The following MROH1 variants were observed in gnomAD, a reference collection of about 807,000 sequenced individuals.
MROH1 encodes maestro heat like repeat family member 1.
MROH1 carries 117 observed loss-of-function variants against 116.5 expected under a neutral mutation model. The observed-to-expected ratio is 1.00, with a 90% CI of 0.86 to 1.17. The LOEUF is 1.17. Ranked by LOEUF, MROH1 falls within the 50% of genes most tolerant of loss-of-function variation. The pLI, the probability that MROH1 is intolerant of heterozygous loss-of-function variation, is 0.00. For missense variants in MROH1, 1,873 were observed against 1,338.5 expected (o/e 1.40, Z -6.23); for synonymous variants, 921 against 583.9 (o/e 1.58, Z -8.32).
intron 14 of MROH1, among the ~76,000 whole-genome samples, chr8:144,226,013 C>T (rs1222864614): frequency 6.9e-6 from 1 of 144,714 alleles, no homozygotes; most frequent in African/African-American, 2.6e-5. Context: ...CTCCTGGGTT[C>T]AAGCAATTCT....
chr8:144,196,018 C>T (rs943361800), intron 10 of MROH1, among the ~76,000 whole-genome samples: 4 of 152,092 alleles, frequency 2.6e-5, no homozygotes, highest in African/African-American at 9.7e-5. Flanking sequence ...TGGCCGGGCA[C>T]AGTGGCTCAC....
chr8:144,177,969 T>TC (rs1346261652), intron 4 of MROH1, among the ~76,000 whole-genome samples: 2 of 148,798 alleles, frequency 1.3e-5, no homozygotes, highest in East Asian at 2.0e-4. Context: ...TTCTTCTTCT[T>TC]TTTTTTTTTT....
chr8:144,152,027 C>G (rs1816928859), intron 1 of MROH1, among the ~76,000 whole-genome samples: 4 of 152,326 alleles, frequency 2.6e-5, no homozygotes, highest in Admixed American at 2.0e-4. Context: ...TCCTGTTTAT[C>G]TCAGGGATGT....
intron 7 of MROH1, among the ~76,000 whole-genome samples, chr8:144,186,588 C>G (rs945048014): frequency 6.6e-6 from 1 of 152,170 alleles, no homozygotes; most frequent in Non-Finnish European, 1.5e-5. Flanking sequence ...AAACTTGGAA[C>G]GAAGCAGATT....
At chr8:144,179,682 G>C (rs1825045850) in intron 5 of MROH1, 96 bp downstream of exon 5, 2 of 1,474,832 alleles carry the variant, frequency 1.4e-6, no homozygotes, top group Non-Finnish European at 1.8e-6. Context: ...GAGAGTATAG[G>C]GTGGTGTTTG....
intron 7 of MROH1, among the ~76,000 whole-genome samples, chr8:144,186,530 G>C (rs913618867): frequency 2.6e-5 from 4 of 152,176 alleles, no homozygotes; most frequent in Admixed American, 2.6e-4. Flanking sequence ...CCAAGTCAGA[G>C]ATGGTTTCAG....
chr8:144,261,904 C>G lies in MROH1; in HGVS notation c.*164C>G. The G allele has an allele frequency of 1.5e-6, 1 of 661,880 alleles. No homozygotes were observed. Among genetic ancestry groups the G allele is most frequent in the East Asian group, 2.7e-5 (1 of 36,998 alleles). 41.0% of individuals were successfully genotyped at this position (661,880 alleles called of 1,614,324 possible). On this transcript the variant is annotated 3_prime_UTR_variant, in exon 44 of 44. Transcript: ENST00000326134. The stretch of plus-strand genomic sequence containing the variant: ...CCCAAGCCCTTCAGTGAGGGATGTG[C>G]CCAATAAACTCATCTGCTCCCAGCG...
intron 14 of MROH1, among the ~76,000 whole-genome samples, chr8:144,231,642 A>G (rs1273360867): frequency 3.3e-5 from 5 of 152,182 alleles, no homozygotes; most frequent in Non-Finnish European, 7.3e-5. Flanking sequence ...TTATAGTAAC[A>G]TCAGAGATCT....
rs1443733658 is a variant in MROH1 at position 144,229,335 on chromosome 8, A to G, written c.1338+6105A>G. ...TCAGTTTTTGTTGCCCAGATCTGTGAGAGAAATCACTGTCTATGGCAGCAA... is the reference window on the plus strand; with the variant it reads ...TCAGTTTTTGTTGCCCAGATCTGTGGGAGAAATCACTGTCTATGGCAGCAA... On this transcript the variant is annotated intron_variant, in intron 14 of 43. Transcript: ENST00000326134. Among the ~76,000 whole-genome samples, 3 of 151,626 alleles carry G rather than the reference A, an allele frequency of 2.0e-5. No homozygotes were observed. The East Asian group carries it at 5.8e-4, about 29-fold the overall frequency.
Position 144,250,277 on chromosome 8 carries a change from G to A in MROH1, c.3339G>A (p.Pro1113=), listed in dbSNP as rs1321255564. 73 of 766,796 alleles carry A rather than the reference G, an allele frequency of 9.5e-5. No individual in the cohort carries two copies. Among genetic ancestry groups the A allele is most frequent in the East Asian group, 1.2e-4 (5 of 41,030 alleles). 47.5% of individuals were successfully genotyped at this position (766,796 alleles called of 1,614,324 possible). A position where few individuals can be genotyped will look rare whatever the true frequency, so the allele number is the denominator to read the frequency against. ...AGGCCCAGGGAGAGCACGTCCTGCC[G>A]GCCGCCCAGCACAGCGTGTACCTCC... ...LQEAQGEHVL[P]AAQHSVYLLA... Residue 1113 remains proline, a synonymous_variant, in exon 33 of 44, where the codon CCG becomes CCA. Transcript: ENST00000326134.
chr8:144,164,162 T>C (rs1043291814), intron 3 of MROH1, among the ~76,000 whole-genome samples: 1 of 151,292 alleles, frequency 6.6e-6, no homozygotes, highest in Non-Finnish European at 1.5e-5. Flanking sequence ...CCCAGCACTT[T>C]GGGAGGCCAA....
intron 1 of MROH1, among the ~76,000 whole-genome samples, chr8:144,159,660 C>T (rs1819008029): frequency 1.3e-5 from 2 of 151,854 alleles, no homozygotes; most frequent in South Asian, 2.1e-4. Flanking sequence ...TAACTAATGT[C>T]TGTGTCTCTG....
chr8:144,163,839 T>G lies in MROH1; in HGVS notation c.13T>G (p.Ser5Ala), dbSNP rs1177448111. 1.9e-6 allele frequency: 3 copies of G among 1,613,580 alleles called. No individual in the cohort carries two copies. The highest frequency in any genetic ancestry group is 4.5e-5 in the East Asian group (2 of 44,870). ...TGAAACCACAGACATGACTGAGTCCTCCATGAAGAGTGAGTGCATGGGGAT... is the reference window on the plus strand; with the variant it reads ...TGAAACCACAGACATGACTGAGTCCGCCATGAAGAGTGAGTGCATGGGGAT... MTES[S>A]MKKLASTLLD... is the part of the protein sequence containing the mutation. Residue 5 changes from serine to alanine, a missense_variant, in exon 3 of 44, where the codon TCC becomes GCC. Transcript: ENST00000326134. This position sits in a 1 kb window ranked among gnomAD's most constrained non-coding sequence, Gnocchi z 4.4.
At chr8:144,152,555 A>ATTATTTT (rs1369841266) in intron 1 of MROH1, among the ~76,000 whole-genome samples, 5 of 130,590 alleles carry the variant, frequency 3.8e-5, no homozygotes, top group African/African-American at 1.4e-4. Context: ...TATTATTATT[A>ATTATTTT]TTTTTTTTTT....
In MROH1 at chr8:144,258,839, G is replaced by T; in HGVS notation, c.3854G>T (p.Arg1285Leu). The T allele has an allele frequency of 1.3e-6, 1 of 768,832 alleles. No individual in the cohort carries two copies. Among genetic ancestry groups the T allele is most frequent in the Non-Finnish European group, 2.4e-6 (1 of 414,228 alleles). 47.6% of individuals were successfully genotyped at this position (768,832 alleles called of 1,614,324 possible). A position where few individuals can be genotyped will look rare whatever the true frequency, so the allele number is the denominator to read the frequency against. The change falls in exon 36 of 44, where the codon CGC (arginine) becomes CTC (leucine). Residue 1285 changes from arginine (R) to leucine (L), a missense_variant. By Grantham distance (102) the Arg-to-Leu change is moderately radical. Transcript: ENST00000326134. The part of the protein sequence containing the change: ...LRSGSEDVVQ[R>L]MDLEGGWELL... ...AGCGGCAGCGAGGATGTGGTACAGC[G>T]CATGGACCTGGAGGGAGGCTGGGAA...
Position 144,255,760 on chromosome 8 carries a change from G to A in MROH1, c.3791+55G>A, listed in dbSNP as rs901244770. On this transcript the variant is annotated intron_variant, in intron 35 of 43. Transcript: ENST00000326134. ...TACTGATTCGGAAGCACAGGCATGC[G>A]TGTGCACGCGCGTGGTGGGGGCGGA... 3.6e-4 allele frequency: 257 copies of A among 708,786 alleles called. 1 individual carries two copies. Among genetic ancestry groups the A allele is most frequent in the African/African-American group, 3.0e-3 (169 of 57,260 alleles). The allele number at this position is 708,786 out of a possible 1,614,324, so 43.9% of individuals were successfully genotyped here.
intron 12 of MROH1, among the ~76,000 whole-genome samples, chr8:144,201,456 C>T (rs1201972623): frequency 6.6e-6 from 1 of 152,204 alleles, no homozygotes; most frequent in Non-Finnish European, 1.5e-5. Flanking sequence ...CAGGTCAGTG[C>T]ACAGTGGCCA....
intron 14 of MROH1, among the ~76,000 whole-genome samples, chr8:144,233,329 T>G (rs1839306228): frequency 7.6e-6 from 1 of 130,730 alleles, no homozygotes; most frequent in Non-Finnish European, 1.6e-5. Context: ...TCCCATTCCC[T>G]CCCCCGCAGC....
At chr8:144,232,470 GTTTGTTTATTTA>G (rs1312644805) in intron 14 of MROH1, among the ~76,000 whole-genome samples, 4 of 148,424 alleles carry the variant, frequency 2.7e-5, no homozygotes, top group Non-Finnish European at 4.4e-5. Flanking sequence ...TGCTTTGTTT[GTTTGTTTATTTA>G]TTTATTTATT....
Sources: gnomAD v4.1 joint callset for allele counts (sites outside exome capture counted in the v4.1 genomes callset) on GRCh38, gnomAD v4.1.1 for gene constraint, Gnocchi (gnomAD v3.1) non-coding constraint, MANE v1.5 for transcripts, NCBI Gene and HGNC (gene_info 2026-07-23, HGNC 2026-07-21) for gene names.